UNC13B: variants seen among roughly 807,000 people sequenced by gnomAD.
The protein encoded by UNC13B is unc-13 homolog B, also known as protein unc-13 homolog B.
Under a neutral mutation model 211.0 loss-of-function variants are expected in UNC13B, and 144 were observed. The observed-to-expected ratio is 0.68, with a 90% CI of 0.60 to 0.78. UNC13B has a LOEUF of 0.78. UNC13B is among the 30% of genes least tolerant of loss of function. The pLI is 0.00. For synonymous variants in UNC13B, 709 were observed against 725.8 expected (o/e 0.98, Z 0.37); for missense variants, 1,777 against 2,002.0 (o/e 0.89, Z 2.14).
intron 1 of UNC13B, among the ~76,000 whole-genome samples, chr9:35,227,176 G>C (rs1824895743): frequency 6.6e-6 from 1 of 152,200 alleles, no homozygotes; most frequent in Admixed American, 6.5e-5. Flanking sequence ...GTAAAATCCT[G>C]TCTGAAAATG....
chr9:35,233,797 CGT>C (rs1825343758), intron 3 of UNC13B, among the ~76,000 whole-genome samples: 1 of 152,102 alleles, frequency 6.6e-6, no homozygotes, highest in Non-Finnish European at 1.5e-5. Flanking sequence ...CTGCTATACA[CGT>C]GTTTATGTAT....
chr9:35,374,840 G>T (rs560697718), intron 13 of UNC13B, among the ~76,000 whole-genome samples: 1 of 152,114 alleles, frequency 6.6e-6, no homozygotes, highest in South Asian at 2.1e-4. Flanking sequence ...GAGTTTCTGT[G>T]GGGTAGGACA....
chr9:35,169,356 A>G (rs1395295465), intron 1 of UNC13B, among the ~76,000 whole-genome samples: 1 of 152,188 alleles, frequency 6.6e-6, no homozygotes, highest in Non-Finnish European at 1.5e-5. Context: ...CAAAAAGTTC[A>G]TGGCTTATCA....
chr9:35,213,898 C>T (rs989316536), intron 1 of UNC13B, among the ~76,000 whole-genome samples: 1 of 152,158 alleles, frequency 6.6e-6, no homozygotes, highest in Non-Finnish European at 1.5e-5. Flanking sequence ...TTGGGCCACA[C>T]TCTCACATCA....
intron 10 of UNC13B, among the ~76,000 whole-genome samples, chr9:35,313,615 AC>A (rs1206907852): frequency 7.0e-6 from 1 of 142,688 alleles, no homozygotes; most frequent in Non-Finnish European, 1.5e-5. Flanking sequence ...ACAGGGTGAG[AC>A]CCTGTCTCAA....
chr9:35,398,828 C>G, intron 32 of UNC13B, 54 bp from the exon 33 acceptor site: 1 of 1,594,114 alleles, frequency 6.3e-7, no homozygotes, highest in Non-Finnish European at 8.6e-7. Flanking sequence ...GGTGCCGCTC[C>G]AGGGACAGTG....
intron 7 of UNC13B, among the ~76,000 whole-genome samples, chr9:35,262,076 G>A (rs1587494392): frequency 6.6e-6 from 1 of 152,200 alleles, no homozygotes; most frequent in East Asian, 1.9e-4. Context: ...GAACATTGCT[G>A]CAACAAACAT....
At position 35,302,133 on chromosome 9, in the gene UNC13B, C is replaced by T. The variant is rs1587575593; in HGVS notation, c.2729C>T (p.Thr910Ile). 1 of 398,608 alleles carries T rather than the reference C, an allele frequency of 2.5e-6. No homozygotes were observed. Among genetic ancestry groups the T allele is most frequent in the East Asian group, 3.6e-5 (1 of 28,048 alleles). 24.7% of individuals were successfully genotyped at this position (398,608 alleles called of 1,614,324 possible). ...CAGAGTTTACGTGGCTCAGCAGTAACCACTGATGAGGAGAGCAAAAAAAAT... is the reference window on the plus strand; with the variant it reads ...CAGAGTTTACGTGGCTCAGCAGTAATCACTGATGAGGAGAGCAAAAAAAAT... ...NDQSLRGSAV[T>I]TDEESKKNCH... The change falls in exon 9 of 40, where the codon ACC becomes ATC. Residue 910 changes from threonine to isoleucine, a missense_variant. By Grantham distance (89) the Thr-to-Ile change is moderately conservative. Coordinates refer to ENST00000635942, the MANE Select transcript of UNC13B (RefSeq NM_001371189.2).
intron 6 of UNC13B, among the ~76,000 whole-genome samples, chr9:35,243,785 G>A (rs1167775768): frequency 6.6e-6 from 1 of 152,094 alleles, no homozygotes. Context: ...CCAGAGATGA[G>A]GCTGGTGTGT....
chr9:35,342,144 C>T (rs1325438341), intron 11 of UNC13B: 13 of 985,302 alleles, frequency 1.3e-5, no homozygotes, highest in African/African-American at 7.0e-5. Flanking sequence ...AGAATATTAG[C>T]TCCTTGGGTC....
At chr9:35,385,895 AG>A (rs1373466280) in intron 23 of UNC13B, 82 bp downstream of exon 23, 7 of 1,531,748 alleles carry the variant, frequency 4.6e-6, no homozygotes, top group Non-Finnish European at 6.2e-6. Context: ...CATTGGGCAG[AG>A]TCTGAGGCTA....
chr9:35,368,504 A>C (rs1178223583), intron 12 of UNC13B, among the ~76,000 whole-genome samples: 1 of 152,300 alleles, frequency 6.6e-6, no homozygotes, highest in African/African-American at 2.4e-5. Flanking sequence ...ATTGTGAATA[A>C]TGCTGCAGCG....
At chr9:35,256,850 T>G (rs1826909860) in intron 6 of UNC13B, among the ~76,000 whole-genome samples, 1 of 152,202 alleles carries the variant, frequency 6.6e-6, no homozygotes, top group Non-Finnish European at 1.5e-5. Flanking sequence ...CCTGTAATTT[T>G]CCTTTCTTCT....
intron 29 of UNC13B, 33 bp from the exon 30 acceptor site, chr9:35,397,602 C>T: frequency 1.9e-6 from 3 of 1,597,684 alleles, no homozygotes; most frequent in Non-Finnish European, 2.6e-6. Context: ...CTAAGAGTTC[C>T]CTTTCCTTTT....
At chr9:35,217,036 T>C (rs912988478) in intron 1 of UNC13B, among the ~76,000 whole-genome samples, 3 of 151,966 alleles carry the variant, frequency 2.0e-5, no homozygotes, top group African/African-American at 7.3e-5. Context: ...GATATGACTA[T>C]AAAGTGGTAG....
chr9:35,335,117 T>C (rs1413486244), intron 11 of UNC13B, among the ~76,000 whole-genome samples: 1 of 152,194 alleles, frequency 6.6e-6, no homozygotes, highest in Non-Finnish European at 1.5e-5. Context: ...AATTAAGTCT[T>C]TTAACTGAAA....
At chr9:35,342,895 G>A (rs867868271) in intron 11 of UNC13B, among the ~76,000 whole-genome samples, 1 of 152,144 alleles carries the variant, frequency 6.6e-6, no homozygotes, top group Non-Finnish European at 1.5e-5. Context: ...GTGTATATGT[G>A]AGAGAGAGAG....
At chr9:35,170,850 A>G (rs1821299426) in intron 1 of UNC13B, among the ~76,000 whole-genome samples, 1 of 151,798 alleles carries the variant, frequency 6.6e-6, no homozygotes, top group Non-Finnish European at 1.5e-5. Flanking sequence ...TCTGTTGCTT[A>G]GGCTAGAGTG....
intron 7 of UNC13B, among the ~76,000 whole-genome samples, chr9:35,277,701 C>T (rs1430762259): frequency 1.3e-5 from 2 of 151,772 alleles, no homozygotes; most frequent in African/African-American, 4.8e-5. Flanking sequence ...TGGGAGAATG[C>T]AAAAACAATC....
Sources: allele counts gnomAD v4.1 joint callset (sites outside exome capture counted in the v4.1 genomes callset), GRCh38; gene constraint gnomAD v4.1.1; transcripts MANE v1.5; gene names NCBI Gene and HGNC (gene_info 2026-07-23, HGNC 2026-07-21).